Variants in ZDHHC11B observed in about 807,000 individuals in gnomAD.
ZDHHC11B encodes zDHHC palmitoyltransferase 11B (putative).
Under a neutral mutation model 42.3 loss-of-function variants are expected in ZDHHC11B, and 17 were observed. The ratio of observed to expected loss-of-function variants is 0.40; its 90% CI spans 0.27 to 0.60. The LOEUF (loss-of-function observed/expected upper bound fraction) is 0.60. ZDHHC11B is among the 20% of genes least tolerant of loss of function. ZDHHC11B has a pLI of 0.41. For missense variants in ZDHHC11B, 262 were observed against 463.2 expected (o/e 0.57, Z 3.99); for synonymous variants, 123 against 193.5 (o/e 0.64, Z 3.02).
intron 9 of ZDHHC11B, among the ~76,000 whole-genome samples, chr5:744,089 G>A (rs1177301743): frequency 4.7e-5 from 7 of 149,960 alleles, no homozygotes; most frequent in African/African-American, 9.8e-5. Flanking sequence ...GCATGATTGC[G>A]TGGTTACCGT....
chr5:773,588 T>C (rs1186238195), intron 1 of ZDHHC11B, among the ~76,000 whole-genome samples: 5 of 151,850 alleles, frequency 3.3e-5, no homozygotes, highest in Non-Finnish European at 7.4e-5. Flanking sequence ...GGCCTGTGGC[T>C]TGCATCCAGG....
chr5:726,584 G>A (rs1449377209), intron 12 of ZDHHC11B, among the ~76,000 whole-genome samples: 2 of 122,378 alleles, frequency 1.6e-5, no homozygotes, highest in Admixed American at 8.1e-5. Flanking sequence ...CATCTTTAAC[G>A]CAACAATGTA....
intron 1 of ZDHHC11B, among the ~76,000 whole-genome samples, chr5:784,101 C>G (rs1737076351): frequency 6.6e-6 from 1 of 151,338 alleles, no homozygotes; most frequent in Admixed American, 6.6e-5. Flanking sequence ...GGAGGCTCTG[C>G]GGGGGGCGGT....
chr5:773,982 T>C lies in ZDHHC11B; in HGVS notation c.-229-5052A>G, dbSNP rs1340474670. On this transcript the variant is annotated intron_variant, in intron 1 of 13. Transcript: ENST00000508859. Reference sequence around the variant, plus strand: ...AGAGGTGGCACCACAGACCTCAGAGTGGGGCAGGCAAAGGCAGACCCCAGA... The same window carrying C: ...AGAGGTGGCACCACAGACCTCAGAGCGGGGCAGGCAAAGGCAGACCCCAGA... 6.6e-5 allele frequency among the ~76,000 whole-genome samples: 10 copies of C among 151,686 alleles called. 1 individual carries two copies. Among genetic ancestry groups the C allele is most frequent in the African/African-American group, 1.9e-4 (8 of 41,280 alleles).
At chr5:784,107 G>C (rs530936461) in intron 1 of ZDHHC11B, among the ~76,000 whole-genome samples, 1 of 151,646 alleles carries the variant, frequency 6.6e-6, no homozygotes, top group Admixed American at 6.6e-5. Context: ...TCTGCGGGGG[G>C]CGGTCTGACA....
In ZDHHC11B at chr5:742,924, G is replaced by A. The variant is rs1356551022; in HGVS notation, c.901-1296C>T. ...GCTTTGTCTCACTAAAGATCACAGA[G>A]ATTTCATTCTATGCTTGTTTCTAGA... On this transcript the variant is annotated intron_variant, in intron 9 of 13. Coordinates refer to ENST00000508859, the MANE Select transcript of ZDHHC11B (RefSeq NM_001351303.2). Among the ~76,000 whole-genome samples, 1,118 of 146,732 alleles carry A rather than the reference G, an allele frequency of 7.6e-3. 10 individuals carry two copies. The highest frequency in any genetic ancestry group is 0.028 in the African/African-American group (1,059 of 38,210).
intron 1 of ZDHHC11B, among the ~76,000 whole-genome samples, chr5:783,677 C>T (rs1383294409): frequency 1.2e-4 from 17 of 145,918 alleles, no homozygotes; most frequent in African/African-American, 4.1e-4. Flanking sequence ...ACAGCAGCCC[C>T]CAAACCCCTA....
chr5:760,247 G>A (rs567376243), intron 4 of ZDHHC11B, among the ~76,000 whole-genome samples: 39 of 151,992 alleles, frequency 2.6e-4, no homozygotes, highest in East Asian at 1.7e-3. Context: ...GCCCTAACCC[G>A]CAGCACCCGT....
At position 748,534 on chromosome 5, in the gene ZDHHC11B, C is replaced by A; in HGVS notation, c.654G>T (p.Leu218=). 1 of 1,364,786 alleles carries A rather than the reference C, an allele frequency of 7.3e-7. No homozygotes were observed. Among genetic ancestry groups the A allele is most frequent in the Non-Finnish European group, 9.8e-7 (1 of 1,025,048 alleles). The allele number at this position is 1,364,786 out of a possible 1,614,324, so 84.5% of individuals were successfully genotyped here. Residue 218 remains leucine (L), a synonymous_variant, in exon 8 of 14, where the codon CTG becomes CTT. Coordinates refer to ENST00000508859, the MANE Select transcript of ZDHHC11B (RefSeq NM_001351303.2). ...YEDVKNMNTW[L]LFLPLFPVQV... ...GCACCGGGAACAGGGGGAGGAACAG[C>A]AGCCACGTGTTCATATTCTTGACAT...
chr5:781,061 A>C (rs1314789460), intron 1 of ZDHHC11B, among the ~76,000 whole-genome samples: 1 of 146,502 alleles, frequency 6.8e-6, no homozygotes, highest in Non-Finnish European at 1.5e-5. Context: ...GCCCTGAGGC[A>C]CCAGCAGCAC....
chr5:774,944 T>G (rs1317260880), intron 1 of ZDHHC11B, among the ~76,000 whole-genome samples: 3 of 151,996 alleles, frequency 2.0e-5, no homozygotes, highest in Non-Finnish European at 4.4e-5. Context: ...CGTGGATGGC[T>G]GTGGGGTGGC....
At chr5:722,168 A>G (rs374620808) in intron 12 of ZDHHC11B, among the ~76,000 whole-genome samples, 3 of 151,990 alleles carry the variant, frequency 2.0e-5, no homozygotes, top group Admixed American at 2.0e-4. Context: ...TTCATTAATC[A>G]AGACCAAAAA....
In ZDHHC11B at chr5:776,072, G is replaced by A. The variant is rs549509808; in HGVS notation, c.-229-7142C>T. On this transcript the variant is annotated intron_variant, in intron 1 of 13. Coordinates refer to ENST00000508859, the MANE Select transcript of ZDHHC11B (RefSeq NM_001351303.2). ...CCGCTGGGCTCTTCAGAACCTTTACGCCCAAGTCCTGTCCAGGGGGAGCAC... is the reference window on the plus strand; with the variant it reads ...CCGCTGGGCTCTTCAGAACCTTTACACCCAAGTCCTGTCCAGGGGGAGCAC... Among the ~76,000 whole-genome samples, 5 of 150,116 alleles carry A rather than the reference G, an allele frequency of 3.3e-5. No individual in the cohort carries two copies. In the South Asian group the frequency reaches 6.3e-4, roughly 19 times the overall value.
chr5:778,468 T>A (rs1218390416), intron 1 of ZDHHC11B, among the ~76,000 whole-genome samples: 1 of 150,638 alleles, frequency 6.6e-6, no homozygotes, highest in African/African-American at 2.4e-5. Context: ...CAGAGCAGGT[T>A]ACAGAACACT....
chr5:720,188 G>A (rs1742078692), intron 12 of ZDHHC11B, among the ~76,000 whole-genome samples: 1 of 151,772 alleles, frequency 6.6e-6, no homozygotes, highest in Non-Finnish European at 1.5e-5. Flanking sequence ...ATTCCAAGCA[G>A]GCTATATGCC....
intron 4 of ZDHHC11B, among the ~76,000 whole-genome samples, chr5:758,319 C>T (rs1315472512): frequency 3.3e-5 from 5 of 151,924 alleles, no homozygotes; most frequent in African/African-American, 1.2e-4. Flanking sequence ...CAGGCAGGGC[C>T]TCTGCACGAG....
intron 1 of ZDHHC11B, among the ~76,000 whole-genome samples, chr5:773,414 T>A (rs1360666414): frequency 6.6e-6 from 1 of 151,866 alleles, no homozygotes; most frequent in Non-Finnish European, 1.5e-5. Flanking sequence ...ACTGCTCACA[T>A]GGGGTCCAAG....
rs541916111 is a variant in ZDHHC11B, at chr5:720,062, C to T, written c.1059-3197G>A. Among the ~76,000 whole-genome samples, 18 of 151,870 alleles carry T rather than the reference C, an allele frequency of 1.2e-4. 2 individuals are homozygous for T. The highest frequency in any genetic ancestry group is 4.4e-4 in the African/African-American group (18 of 41,312). On this transcript the variant is annotated intron_variant, in intron 12 of 13. Transcript: ENST00000508859. The stretch of plus-strand genomic sequence containing the variant: ...CAGATACTTACTGAGAGTCTTGGAA[C>T]GTATTCCCCACAGATAATGGGGGAG...
At chr5:747,999 T>A (rs679865) in intron 8 of ZDHHC11B, 62,892 of 365,460 alleles carry the variant, frequency 0.17, 7,107 homozygotes, top group East Asian at 0.33. Flanking sequence ...CCTGTAATAT[T>A]TTTCATTGTT....
Sources: gnomAD v4.1 joint callset for allele counts (sites outside exome capture counted in the v4.1 genomes callset) on GRCh38, gnomAD v4.1.1 for gene constraint, MANE v1.5 for transcripts, NCBI Gene and HGNC (gene_info 2026-07-23, HGNC 2026-07-21) for gene names.